Variants in PDE10A observed in about 807,000 individuals in gnomAD.
PDE10A encodes the protein phosphodiesterase 10A, also known as cAMP and cAMP-inhibited cGMP 3',5'-cyclic phosphodiesterase 10A.
In PDE10A, 39 loss-of-function variants were observed where a neutral mutation model predicts 97.7. The observed-to-expected ratio is 0.40, with a 90% CI of 0.31 to 0.52. The LOEUF is 0.52. Among genes scored for constraint, PDE10A ranks in the 20% least tolerant of loss-of-function variants. The pLI is 0.56. For missense variants in PDE10A, 731 were observed against 1,047.8 expected, an observed-to-expected ratio of 0.70 and a Z score of 4.17; for synonymous variants, 371 against 376.8, an observed-to-expected ratio of 0.98 and a Z score of 0.18.
At chr6:165,883,428 G>A (rs1408554497) in intron 1 of PDE10A, among the ~76,000 whole-genome samples, 1 of 151,902 alleles carries the variant, frequency 6.6e-6, no homozygotes, top group Non-Finnish European at 1.5e-5. Context: ...TGTAATCCCA[G>A]CTACTCAGGA....
chr6:165,858,794 C>T (rs766053098), intron 1 of PDE10A, among the ~76,000 whole-genome samples: 4 of 152,122 alleles, frequency 2.6e-5, no homozygotes, highest in Admixed American at 2.0e-4. Context: ...CATGTTTCCC[C>T]GGGGGTACTC....
chr6:165,673,269 A>C (rs896516947), intron 1 of PDE10A, among the ~76,000 whole-genome samples: 5 of 152,278 alleles, frequency 3.3e-5, no homozygotes, highest in African/African-American at 1.2e-4. Flanking sequence ...CCCCTAGTGC[A>C]TGTATATAGA....
rs370774741 is a variant in PDE10A at position 165,827,769 on chromosome 6, G to A, written c.-615+159760C>T. Among the ~76,000 whole-genome samples the A allele has an allele frequency of 1.4e-4, 21 of 152,282 alleles. No homozygotes were observed. The Middle Eastern group carries it at 0.017, about 123-fold the overall frequency. On this transcript the variant is annotated intron_variant, in intron 1 of 19. Coordinates refer to the PDE10A transcript ENST00000366882. ...GTCACCCGTCACCCAAGCAGTGCACGCTGCACCCAATATGTTGTCTTGTAT... is the reference window on the plus strand; with the variant it reads ...GTCACCCGTCACCCAAGCAGTGCACACTGCACCCAATATGTTGTCTTGTAT...
intron 1 of PDE10A, among the ~76,000 whole-genome samples, chr6:165,901,723 A>C (rs552394095): frequency 6.6e-6 from 1 of 152,078 alleles, no homozygotes; most frequent in African/African-American, 2.4e-5. Flanking sequence ...AATCACTTGA[A>C]CTTGGGAGGT....
rs76451296 is a variant in PDE10A at position 165,557,365 on chromosome 6, G to T, written c.866-13797C>A. 1.1e-4 allele frequency among the ~76,000 whole-genome samples: 16 copies of T among 152,134 alleles called. No homozygotes were observed. In the East Asian group the frequency reaches 2.7e-3, roughly 26 times the overall value. ...AACCTTCATGATCACAGTTTCAACTGGGATTTAAAGAAAGCAAGAAGAATA... is the reference window on the plus strand; with the variant it reads ...AACCTTCATGATCACAGTTTCAACTTGGATTTAAAGAAAGCAAGAAGAATA... On this transcript the variant is annotated intron_variant, in intron 1 of 21. Transcript: ENST00000539869.
At chr6:165,890,492 T>G (rs984374949) in intron 1 of PDE10A, among the ~76,000 whole-genome samples, 6 of 152,204 alleles carry the variant, frequency 3.9e-5, no homozygotes, top group African/African-American at 7.2e-5. Context: ...TGTGTGGACC[T>G]CATTAGAAGC....
intron 1 of PDE10A, among the ~76,000 whole-genome samples, chr6:165,764,203 G>T (rs1219830015): frequency 6.6e-6 from 1 of 152,170 alleles, no homozygotes; most frequent in African/African-American, 2.4e-5. Context: ...CTGACACTTG[G>T]CTATTGCTCT....
intron 1 of PDE10A, among the ~76,000 whole-genome samples, chr6:165,796,134 C>T (rs1778824445): frequency 8.8e-6 from 1 of 113,760 alleles, no homozygotes; most frequent in Non-Finnish European, 1.7e-5. Context: ...CTTGATCTGT[C>T]ACCCAGGCCG....
At chr6:165,976,938 C>A (rs1250229516) in intron 1 of PDE10A, among the ~76,000 whole-genome samples, 1 of 152,224 alleles carries the variant, frequency 6.6e-6, no homozygotes, top group Non-Finnish European at 1.5e-5. Flanking sequence ...TGGAATCGCA[C>A]CCTCTGCTGT....
intron 1 of PDE10A, among the ~76,000 whole-genome samples, chr6:165,596,589 G>C (rs1786609203): frequency 1.3e-5 from 2 of 152,106 alleles, no homozygotes; most frequent in African/African-American, 4.8e-5. Flanking sequence ...AATTAGCTGG[G>C]TGTGGTGGCA....
intron 1 of PDE10A, among the ~76,000 whole-genome samples, chr6:165,710,553 G>C (rs768373078): frequency 4.6e-5 from 7 of 152,102 alleles, no homozygotes; most frequent in Non-Finnish European, 8.8e-5. Context: ...AGCACTTTTC[G>C]TTTTGTATTT....
chr6:165,555,415 G>T (rs765182097), intron 1 of PDE10A, among the ~76,000 whole-genome samples: 1 of 152,114 alleles, frequency 6.6e-6, no homozygotes. Context: ...ACTCCATAGG[G>T]TTATAATCCA....
intron 1 of PDE10A, among the ~76,000 whole-genome samples, chr6:165,806,658 C>T (rs908632962): frequency 6.6e-6 from 1 of 151,968 alleles, no homozygotes; most frequent in African/African-American, 2.4e-5. Flanking sequence ...CGCCCCCCCC[C>T]AGGCTCTTCT....
intron 1 of PDE10A, among the ~76,000 whole-genome samples, chr6:165,718,796 G>C (rs1478011589): frequency 6.6e-6 from 1 of 152,076 alleles, no homozygotes; most frequent in Non-Finnish European, 1.5e-5. Context: ...TCTTACATAG[G>C]AAAGAATGGC....
intron 1 of PDE10A, among the ~76,000 whole-genome samples, chr6:165,901,659 A>G (rs1413808287): frequency 6.6e-6 from 1 of 152,096 alleles, no homozygotes; most frequent in African/African-American, 2.4e-5. Flanking sequence ...AAAATTAGCC[A>G]CGCATGGTGG....
At chr6:165,541,404 C>T (rs1301668436) in intron 2 of PDE10A, among the ~76,000 whole-genome samples, 1 of 151,980 alleles carries the variant, frequency 6.6e-6, no homozygotes, top group Non-Finnish European at 1.5e-5. Flanking sequence ...CTCTTCTGTA[C>T]ATGTGTTCAA....
chr6:165,500,424 G>C (rs200678296), intron 2 of PDE10A, among the ~76,000 whole-genome samples: 1 of 151,972 alleles, frequency 6.6e-6, no homozygotes, highest in African/African-American at 2.4e-5. Flanking sequence ...CCCTGTGCTC[G>C]CAGAGACCTG....
chr6:165,657,403 G>A (rs1057189435), intron 1 of PDE10A, among the ~76,000 whole-genome samples: 3 of 152,312 alleles, frequency 2.0e-5, no homozygotes, highest in East Asian at 1.9e-4. Flanking sequence ...ACAACTAAGA[G>A]TTTTCCTTTT....
chr6:165,737,540 G>GA (rs906829865), intron 1 of PDE10A, among the ~76,000 whole-genome samples: 1 of 151,974 alleles, frequency 6.6e-6, no homozygotes, highest in Non-Finnish European at 1.5e-5. Context: ...CAGAATGAAA[G>GA]AAAAAAATAT....
Sources: gnomAD v4.1 joint callset for allele counts (sites outside exome capture counted in the v4.1 genomes callset) on GRCh38, gnomAD v4.1.1 for gene constraint, MANE v1.5 for transcripts, NCBI Gene and HGNC (gene_info 2026-07-23, HGNC 2026-07-21) for gene names.